MSANTD2: variants seen among roughly 807,000 people sequenced by gnomAD.
MSANTD2 encodes myb/SANT-like DNA-binding domain-containing protein 2.
A neutral mutation model predicts 52.6 loss-of-function variants in MSANTD2; 19 were observed. That is an observed-to-expected ratio of 0.36 (90% CI 0.25 to 0.53). The LOEUF (loss-of-function observed/expected upper bound fraction) is 0.53. MSANTD2 is among the 20% of genes least tolerant of loss of function. The probability of loss-of-function intolerance (pLI) is 0.91; values close to 1 mark genes in which losing one functional copy is unlikely to be tolerated. For missense variants in MSANTD2, 558 were observed against 716.3 expected, an observed-to-expected ratio of 0.78 and a Z score of 2.52; for synonymous variants, 291 against 289.7, an observed-to-expected ratio of 1.00 and a Z score of -0.04.
At chr11:124,786,096 T>A (rs1945149679) in intron 1 of MSANTD2, among the ~76,000 whole-genome samples, 1 of 41,680 alleles carries the variant, frequency 2.4e-5, no homozygotes, top group South Asian at 7.8e-4. Context: ...TCATTTCTTC[T>A]TTTTTTTTTT....
At chr11:124,785,570 A>G (rs1945131792) in intron 1 of MSANTD2, among the ~76,000 whole-genome samples, 1 of 152,204 alleles carries the variant, frequency 6.6e-6, no homozygotes. Flanking sequence ...CTGACCAGTC[A>G]TTGGATTCAG....
chr11:124,776,650 G>C (rs942756304), intron 1 of MSANTD2, among the ~76,000 whole-genome samples: 5 of 152,198 alleles, frequency 3.3e-5, no homozygotes, highest in African/African-American at 1.2e-4. Flanking sequence ...CACTCTATCA[G>C]ATACTTTAAA....
intron 1 of MSANTD2, 55 bp downstream of exon 1, chr11:124,799,816 T>C (rs1945630324): frequency 1.4e-5 from 20 of 1,400,110 alleles, no homozygotes; most frequent in Non-Finnish European, 1.9e-5. Context: ...CGAGGCCCGC[T>C]TCCCCGCCTT....
chr11:124,784,046 A>G, intron 1 of MSANTD2: 1 of 985,384 alleles, frequency 1.0e-6, no homozygotes, highest in Non-Finnish European at 1.2e-6. Context: ...AGGTCAAAAA[A>G]GTAGGGTATA....
rs139319011 is a variant in MSANTD2 at position 124,772,598 on chromosome 11, G to A, written c.827+396C>T. 3.3e-3 allele frequency among the ~76,000 whole-genome samples: 508 copies of A among 152,196 alleles called. 2 individuals carry two copies. Among genetic ancestry groups the A allele is most frequent in the African/African-American group, 0.012 (483 of 41,552 alleles). ...TAAATGTACAAAAAATTAGCCGGGCGTGGTGGCGGGCGCCTGTAGTCCCAG... is the reference window on the plus strand; with the variant it reads ...TAAATGTACAAAAAATTAGCCGGGCATGGTGGCGGGCGCCTGTAGTCCCAG... On this transcript the variant is annotated intron_variant, in intron 3 of 3. Transcript: ENST00000374979.
At chr11:124,782,704 C>G (rs1317304249) in intron 1 of MSANTD2, among the ~76,000 whole-genome samples, 1 of 152,138 alleles carries the variant, frequency 6.6e-6, no homozygotes, top group Non-Finnish European at 1.5e-5. Context: ...TGTCTCTATT[C>G]CCCAAGCCTA....
At chr11:124,796,726 C>A (rs576858458) in intron 1 of MSANTD2, among the ~76,000 whole-genome samples, 2 of 152,312 alleles carry the variant, frequency 1.3e-5, no homozygotes, top group African/African-American at 4.8e-5. Context: ...CTTTAGTCTG[C>A]GTAAGAAGTT....
chr11:124,772,556 T>C (rs1944565164), intron 3 of MSANTD2, among the ~76,000 whole-genome samples: 1 of 151,920 alleles, frequency 6.6e-6, no homozygotes, highest in Non-Finnish European at 1.5e-5. Context: ...GCTAACACGA[T>C]GAAACCCCAT....
At chr11:124,785,957 GAAGACACTGAAAATTATGGC>G (rs544335239) in intron 1 of MSANTD2, among the ~76,000 whole-genome samples, 162 of 151,960 alleles carry the variant, frequency 1.1e-3, no homozygotes, top group Admixed American at 2.9e-3. Flanking sequence ...CTTCTCTTCA[GAAGACACTGAAAATTATGGC>G]AAGTCACTGT....
chr11:124,781,011 C>T (rs1294592236), intron 1 of MSANTD2, among the ~76,000 whole-genome samples: 4 of 152,058 alleles, frequency 2.6e-5, no homozygotes, highest in Admixed American at 6.5e-5. Flanking sequence ...GGCATAACCC[C>T]GTCTCTACTA....
At chr11:124,780,740 T>C (rs553958197) in intron 1 of MSANTD2, among the ~76,000 whole-genome samples, 6 of 152,358 alleles carry the variant, frequency 3.9e-5, no homozygotes, top group Non-Finnish European at 7.3e-5. Flanking sequence ...TTAGATTTTA[T>C]AGGAGATTCT....
chr11:124,798,167 C>T lies in MSANTD2; in HGVS notation c.510+1704G>A, dbSNP rs578093096. Among the ~76,000 whole-genome samples the T allele has an allele frequency of 6.1e-5, 9 of 146,878 alleles. No homozygotes were observed. The East Asian group carries it at 1.8e-3, about 30-fold the overall frequency. ...CCTGTAATCCTAGTGCTTTGGGAGA[C>T]TGAGGCAGGACAGCTTGAGACCAGG... On this transcript the variant is annotated intron_variant, in intron 1 of 3. Transcript: ENST00000374979.
intron 1 of MSANTD2, among the ~76,000 whole-genome samples, chr11:124,798,234 TAAAAAAAA>T (rs10601418): frequency 1.4e-4 from 15 of 110,504 alleles, no homozygotes; most frequent in African/African-American, 4.0e-4. Flanking sequence ...CCCTGTCTCT[TAAAAAAAA>T]AAAAAAAAAA....
In MSANTD2 at chr11:124,774,530, A is replaced by G. The variant is rs1339321941; in HGVS notation, c.766+189T>C. 6.6e-6 allele frequency among the ~76,000 whole-genome samples: 1 copy of G among 152,232 alleles called. No homozygotes were observed. The highest frequency in any genetic ancestry group is 1.9e-4 in the East Asian group (1 of 5,198). On this transcript the variant is annotated intron_variant, in intron 2 of 3. Coordinates refer to ENST00000374979, the MANE Select transcript of MSANTD2 (RefSeq NM_001308027.2). The surrounding 1 kb of genome is among the most constrained non-coding windows in gnomAD (Gnocchi z 5.1). ...TTAAGGCTAAACCAAGGATGCCCAC[A>G]TTGCCCCAAATAGACTGGGACATGC...
Position 124,788,036 on chromosome 11 carries a change from C to T in MSANTD2, c.510+11835G>A, listed in dbSNP as rs148969294. On this transcript the variant is annotated intron_variant, in intron 1 of 3. Coordinates refer to ENST00000374979, the MANE Select transcript of MSANTD2 (RefSeq NM_001308027.2). Reference sequence around the variant, plus strand: ...CTGAGCCTGGGGAGGTTGAGGTGATCGTGCCACCGCACTCTAGCTTGGGCA... The same window carrying T: ...CTGAGCCTGGGGAGGTTGAGGTGATTGTGCCACCGCACTCTAGCTTGGGCA... Among the ~76,000 whole-genome samples the T allele has an allele frequency of 5.3e-3, 788 of 149,142 alleles. 3 individuals carry two copies. Among genetic ancestry groups the T allele is most frequent in the Non-Finnish European group, 8.9e-3 (600 of 67,588 alleles).
At chr11:124,778,066 A>G (rs1288642372) in intron 1 of MSANTD2, among the ~76,000 whole-genome samples, 1 of 152,196 alleles carries the variant, frequency 6.6e-6, no homozygotes, top group African/African-American at 2.4e-5. Flanking sequence ...TCCACACTCT[A>G]AATTAGCCAA....
chr11:124,772,056 G>A (rs535633619), intron 3 of MSANTD2, among the ~76,000 whole-genome samples: 88 of 152,316 alleles, frequency 5.8e-4, no homozygotes, highest in Admixed American at 9.8e-4. Context: ...CAAGAACTAT[G>A]ATGTCCTTGC....
At chr11:124,783,036 A>G (rs1945036538) in intron 1 of MSANTD2, among the ~76,000 whole-genome samples, 1 of 152,196 alleles carries the variant, frequency 6.6e-6, no homozygotes, top group African/African-American at 2.4e-5. Context: ...CTTATGCCTT[A>G]CAAAGTAAAC....
intron 1 of MSANTD2, chr11:124,783,645 AAAGT>A (rs1257842631): frequency 1.3e-6 from 1 of 794,026 alleles, no homozygotes; most frequent in Non-Finnish European, 1.5e-6. Context: ...AAAATAAAAG[AAAGT>A]AAAAACAAAA....
Sources: allele counts gnomAD v4.1 joint callset (sites outside exome capture counted in the v4.1 genomes callset), GRCh38; gene constraint gnomAD v4.1.1; non-coding constraint Gnocchi (gnomAD v3.1); transcripts MANE v1.5; gene names NCBI Gene and HGNC (gene_info 2026-07-23, HGNC 2026-07-21).